WNT7B: variants seen among roughly 807,000 people sequenced by gnomAD.
WNT7B encodes protein Wnt-7b.
Under a neutral mutation model 38.2 loss-of-function variants are expected in WNT7B, and 19 were observed. That is an observed-to-expected ratio of 0.50 (90% CI 0.35 to 0.73). The LOEUF is 0.73. WNT7B is among the 30% of genes least tolerant of loss of function. WNT7B has a pLI of 0.01. For synonymous variants in WNT7B, 243 were observed against 209.3 expected, an observed-to-expected ratio of 1.16 and a Z score of -1.39; for missense variants, 423 against 507.9, an observed-to-expected ratio of 0.83 and a Z score of 1.61.
chr22:45,929,559 C>G (rs371281894), intron 3 of WNT7B, among the ~76,000 whole-genome samples: 1 of 136,760 alleles, frequency 7.3e-6, no homozygotes, highest in East Asian at 2.2e-4. Flanking sequence ...CATCCTTCCA[C>G]CCATCCCCTC....
At chr22:45,943,138 G>A (rs1015488960) in intron 2 of WNT7B, among the ~76,000 whole-genome samples, 5 of 152,098 alleles carry the variant, frequency 3.3e-5, no homozygotes, top group Non-Finnish European at 7.4e-5. Context: ...ACTGCTGTAT[G>A]TCTCTCCACA....
chr22:45,973,099 T>C (rs746768702), intron 1 of WNT7B, among the ~76,000 whole-genome samples: 2 of 152,250 alleles, frequency 1.3e-5, no homozygotes, highest in Non-Finnish European at 2.9e-5. Flanking sequence ...TGGGAAGGCA[T>C]CGCCAGCAGG....
chr22:45,940,847 C>T (rs1324922792), intron 2 of WNT7B, among the ~76,000 whole-genome samples: 1 of 152,154 alleles, frequency 6.6e-6, no homozygotes, highest in East Asian at 1.9e-4. Context: ...GTTCAGGGAA[C>T]AGTGCTCCAG....
At chr22:45,946,725 G>A (rs916131720) in intron 2 of WNT7B, among the ~76,000 whole-genome samples, 1 of 152,208 alleles carries the variant, frequency 6.6e-6, no homozygotes, top group Non-Finnish European at 1.5e-5. Context: ...AGCCAGCACA[G>A]GGTCCTTAGA....
At chr22:45,973,446 C>T (rs989346633) in intron 1 of WNT7B, among the ~76,000 whole-genome samples, 1 of 152,200 alleles carries the variant, frequency 6.6e-6, no homozygotes, top group Non-Finnish European at 1.5e-5. Context: ...TGTGGAGGCT[C>T]ATCATCCAGG....
At chr22:45,944,168 G>A (rs1399293731) in intron 2 of WNT7B, among the ~76,000 whole-genome samples, 1 of 152,216 alleles carries the variant, frequency 6.6e-6, no homozygotes, top group Non-Finnish European at 1.5e-5. Context: ...TCTGCAGCCA[G>A]ACTCCATCCC....
rs1349894049 is a variant in WNT7B at position 45,975,888 on chromosome 22, T to C, written c.71+796A>G. The C allele has an allele frequency of 2.7e-5, 6 of 218,662 alleles. No individual in the cohort carries two copies. Among genetic ancestry groups the C allele is most frequent in the Non-Finnish European group, 5.3e-5 (6 of 113,278 alleles). The allele number at this position is 218,662 out of a possible 1,614,324, so 13.5% of individuals were successfully genotyped here. Reference sequence around the variant, plus strand: ...CACTTCGAGCGAAGCCGAGACAGATTCTGTCTAAAGGAGATCGCGGCTCAA... The same window carrying C: ...CACTTCGAGCGAAGCCGAGACAGATCCTGTCTAAAGGAGATCGCGGCTCAA... On this transcript the variant is annotated intron_variant, in intron 1 of 3. Transcript: ENST00000339464. The surrounding 1 kb of genome is among the most constrained non-coding windows in gnomAD (Gnocchi z 6.6).
rs1287490289 is a variant in WNT7B at position 45,965,890 on chromosome 22, A to G, written c.71+10794T>C. Among the ~76,000 whole-genome samples the G allele has an allele frequency of 1.3e-5, 2 of 152,200 alleles. No homozygotes were observed. The highest frequency in any genetic ancestry group is 2.9e-5 in the Non-Finnish European group (2 of 68,034). On this transcript the variant is annotated intron_variant, in intron 1 of 3. Transcript: ENST00000339464. This position sits in a 1 kb window ranked among gnomAD's most constrained non-coding sequence, Gnocchi z 6.5. ...AGGACAGGCAGGAAACGGGACACGC[A>G]ACAGAGCCCGCCCAAGGCTGGAAAC...
At chr22:45,933,803 A>C (rs1204723579) in intron 2 of WNT7B, among the ~76,000 whole-genome samples, 1 of 152,166 alleles carries the variant, frequency 6.6e-6, no homozygotes, top group East Asian at 1.9e-4. Flanking sequence ...CGGCCTGGGC[A>C]CACAGAGGCA....
At chr22:45,970,900 GCA>G (rs1273858084) in intron 1 of WNT7B, among the ~76,000 whole-genome samples, 4 of 152,356 alleles carry the variant, frequency 2.6e-5, no homozygotes, top group African/African-American at 9.6e-5. Context: ...CGATGCCTCC[GCA>G]GCCGGGGCTG....
chr22:45,967,444 C>G (rs1002896792), intron 1 of WNT7B, among the ~76,000 whole-genome samples: 1 of 90,050 alleles, frequency 1.1e-5, no homozygotes, highest in African/African-American at 4.4e-5. Context: ...CATGTGGGTC[C>G]TAGTTCTGGG....
intron 1 of WNT7B, among the ~76,000 whole-genome samples, chr22:45,969,948 G>C (rs1412567295): frequency 6.6e-6 from 1 of 152,218 alleles, no homozygotes; most frequent in African/African-American, 2.4e-5. Context: ...AGCTCTCCAA[G>C]CACTTGCTGC....
At position 45,970,916 on chromosome 22, in the gene WNT7B, G is replaced by A. The variant is rs549756477; in HGVS notation, c.71+5768C>T. The stretch of plus-strand genomic sequence containing the variant: ...GATGCCTCCGCAGCCGGGGCTGCCC[G>A]CCGGGCCTGGAGCGCTCTCTGTGCC... On this transcript the variant is annotated intron_variant, in intron 1 of 3. Coordinates refer to ENST00000339464, the MANE Select transcript of WNT7B (RefSeq NM_058238.3). Among the ~76,000 whole-genome samples the A allele has an allele frequency of 9.2e-5, 14 of 152,370 alleles. No individual in the cohort carries two copies. The East Asian group carries it at 2.5e-3, about 27-fold the overall frequency.
chr22:45,969,335 C>A (rs73446575), intron 1 of WNT7B, among the ~76,000 whole-genome samples: 3 of 152,344 alleles, frequency 2.0e-5, no homozygotes, highest in East Asian at 1.9e-4. Flanking sequence ...TCAGAGCCAA[C>A]CCCCACATCT....
chr22:45,971,986 G>T (rs1932452768), intron 1 of WNT7B, among the ~76,000 whole-genome samples: 1 of 152,202 alleles, frequency 6.6e-6, no homozygotes. Flanking sequence ...CTCCACCTCG[G>T]CAGCTTAGGC....
intron 1 of WNT7B, among the ~76,000 whole-genome samples, chr22:45,954,167 G>A (rs867307542): frequency 1.3e-5 from 2 of 152,144 alleles, no homozygotes; most frequent in East Asian, 1.9e-4. Context: ...CCAAAACCAC[G>A]TACTGTGTGG....
chr22:45,973,528 A>G (rs1029249867), intron 1 of WNT7B, among the ~76,000 whole-genome samples: 1 of 152,136 alleles, frequency 6.6e-6, no homozygotes, highest in Non-Finnish European at 1.5e-5. Context: ...TTCTGGCCCC[A>G]AAGGCAGGGA....
intron 1 of WNT7B, chr22:45,972,108 C>CGGGGGGGGGGGGGG: frequency 5.2e-6 from 3 of 579,222 alleles, no homozygotes; most frequent in Admixed American, 3.0e-5. Context: ...GCTGGAGGCC[C>CGGGGGGGGGGGGGG]GGGGGGAGCC....
chr22:45,941,980 G>A (rs1171500422), intron 2 of WNT7B, among the ~76,000 whole-genome samples: 4 of 152,164 alleles, frequency 2.6e-5, no homozygotes, highest in Admixed American at 6.5e-5. Context: ...CTGAGGCCTG[G>A]CTGGGGAGGG....
Sources: gnomAD v4.1 joint callset for allele counts (sites outside exome capture counted in the v4.1 genomes callset) on GRCh38, gnomAD v4.1.1 for gene constraint, Gnocchi (gnomAD v3.1) non-coding constraint, MANE v1.5 for transcripts, NCBI Gene and HGNC (gene_info 2026-07-23, HGNC 2026-07-21) for gene names.